Variants in CLASP2 observed in about 807,000 individuals in gnomAD.
The protein encoded by CLASP2 is cytoplasmic linker associated protein 2, also known as CLIP-associating protein 2.
Under a neutral mutation model 194.4 loss-of-function variants are expected in CLASP2, and 47 were observed. The observed-to-expected ratio is 0.24, with a 90% CI of 0.19 to 0.31. The LOEUF (loss-of-function observed/expected upper bound fraction) is 0.31. Among genes scored for constraint, CLASP2 ranks in the 10% least tolerant of loss-of-function variants. The pLI is 1.00. For missense variants in CLASP2, 1,445 were observed against 1,823.6 expected (o/e 0.79, Z 3.78); for synonymous variants, 619 against 633.5 (o/e 0.98, Z 0.34).
chr3:33,573,022 A>C, intron 25 of CLASP2, 88 bp downstream of exon 25: 1 of 1,458,950 alleles, frequency 6.9e-7, no homozygotes, highest in Non-Finnish European at 9.3e-7. Context: ...CTGTTTCTAC[A>C]CCAGTATCTC....
At chr3:33,529,503 C>CT (rs35271101) in intron 34 of CLASP2, among the ~76,000 whole-genome samples, 63,290 of 151,868 alleles carry the variant, frequency 0.42, 13,498 homozygotes, top group Admixed American at 0.53. Context: ...AATAGAGAGC[C>CT]AGAAATTAGA....
chr3:33,601,167 A>T (rs1402578795), intron 18 of CLASP2, among the ~76,000 whole-genome samples: 2 of 151,848 alleles, frequency 1.3e-5, no homozygotes, highest in Non-Finnish European at 1.5e-5. Flanking sequence ...TCACCGTGTT[A>T]GCCAGGATGG....
intron 29 of CLASP2, among the ~76,000 whole-genome samples, chr3:33,554,088 C>T (rs544437854): frequency 2.6e-4 from 39 of 152,024 alleles, no homozygotes; most frequent in Middle Eastern, 3.4e-3. Context: ...ATTAGCCGGG[C>T]GTGGTGGTGG....
intron 23 of CLASP2, among the ~76,000 whole-genome samples, chr3:33,576,694 C>G (rs904225163): frequency 2.6e-5 from 4 of 152,110 alleles, no homozygotes; most frequent in Admixed American, 2.0e-4. Flanking sequence ...TAGAAATTTA[C>G]AAGGAAAATA....
chr3:33,695,709 G>A (rs2091824595), intron 2 of CLASP2, among the ~76,000 whole-genome samples: 1 of 152,140 alleles, frequency 6.6e-6, no homozygotes, highest in Non-Finnish European at 1.5e-5. Context: ...GGAGGCCGAG[G>A]TGAGAGGACT....
chr3:33,625,780 T>A (rs1415362380), intron 10 of CLASP2, among the ~76,000 whole-genome samples: 2 of 152,034 alleles, frequency 1.3e-5, no homozygotes, highest in Non-Finnish European at 2.9e-5. Context: ...CAAGCAATCC[T>A]CCCATCTTAG....
At chr3:33,636,515 T>C (rs2080167538) in intron 8 of CLASP2, among the ~76,000 whole-genome samples, 1 of 151,970 alleles carries the variant, frequency 6.6e-6, no homozygotes, top group East Asian at 1.9e-4. Flanking sequence ...ATTACAGGTA[T>C]AAAAGAAAGA....
intron 29 of CLASP2, among the ~76,000 whole-genome samples, chr3:33,551,980 GA>G (rs1482856316): frequency 6.7e-6 from 1 of 149,602 alleles, no homozygotes; most frequent in African/African-American, 2.5e-5. Flanking sequence ...CTCACACAAT[GA>G]GATGAGGTTC....
At chr3:33,622,345 A>C in intron 10 of CLASP2, 65 bp from the exon 11 acceptor site, 4 of 1,285,994 alleles carry the variant, frequency 3.1e-6, no homozygotes, top group Non-Finnish European at 4.1e-6. Context: ...AGCTACCTAA[A>C]CTTCATTATT....
At position 33,581,798 on chromosome 3, in the gene CLASP2, A is replaced by G. The variant is rs138022627; in HGVS notation, c.2347+23T>C. On this transcript the variant is annotated intron_variant, in intron 23 of 38. Transcript: ENST00000682230. ...ATAACACCATGGATAAGCAATGCAC[A>G]TAACACCTGCCCGAATACGTACCGA... 1.4e-3 allele frequency: 2,168 copies of G among 1,559,976 alleles called. 4 individuals carry two copies. Among genetic ancestry groups the G allele is most frequent in the Non-Finnish European group, 1.7e-3 (1,981 of 1,133,060 alleles).
chr3:33,698,794 T>G (rs888231203), intron 1 of CLASP2, among the ~76,000 whole-genome samples: 1 of 152,206 alleles, frequency 6.6e-6, no homozygotes, highest in African/African-American at 2.4e-5. Flanking sequence ...AACTTGCTCT[T>G]AAACATCTTA....
chr3:33,640,277 G>A (rs2081031903), intron 8 of CLASP2, among the ~76,000 whole-genome samples: 1 of 152,098 alleles, frequency 6.6e-6, no homozygotes, highest in Non-Finnish European at 1.5e-5. Flanking sequence ...AAACAATTTT[G>A]TTGTCTGCAT....
intron 1 of CLASP2, among the ~76,000 whole-genome samples, chr3:33,698,718 T>C (rs2092150450): frequency 6.6e-6 from 1 of 152,162 alleles, no homozygotes; most frequent in Non-Finnish European, 1.5e-5. Flanking sequence ...ACTGACTGCA[T>C]AGCTCCACAC....
chr3:33,702,912 C>T (rs1056807384), intron 1 of CLASP2, among the ~76,000 whole-genome samples: 1 of 152,020 alleles, frequency 6.6e-6, no homozygotes, highest in Non-Finnish European at 1.5e-5. Flanking sequence ...AACTGAGATC[C>T]ACATGCAAAA....
intron 2 of CLASP2, among the ~76,000 whole-genome samples, chr3:33,694,979 GACAGAC>G (rs1485534516): frequency 6.7e-6 from 1 of 149,866 alleles, no homozygotes; most frequent in Non-Finnish European, 1.5e-5. Context: ...AAAATAAAGA[GACAGAC>G]AGAGACAGTG....
chr3:33,572,453 G>A (rs913435169), intron 25 of CLASP2, among the ~76,000 whole-genome samples: 6 of 152,132 alleles, frequency 3.9e-5, no homozygotes, highest in Non-Finnish European at 7.3e-5. Context: ...ATCAAGTCAG[G>A]AAGTAACCCT....
chr3:33,613,923 CA>C (rs2075657389), intron 12 of CLASP2, among the ~76,000 whole-genome samples: 1 of 152,198 alleles, frequency 6.6e-6, no homozygotes, highest in Admixed American at 6.5e-5. Context: ...ACATCATACT[CA>C]GGGGGAGCTG....
At chr3:33,622,336 GCTAC>G in intron 10 of CLASP2, 56 bp from the exon 11 acceptor site, 3 of 1,352,856 alleles carry the variant, frequency 2.2e-6, no homozygotes, top group Non-Finnish European at 2.9e-6. Context: ...AAAAAAAGAA[GCTAC>G]CTAAACTTCA....
intron 34 of CLASP2, among the ~76,000 whole-genome samples, chr3:33,520,788 T>C (rs1361734994): frequency 6.6e-6 from 1 of 151,392 alleles, no homozygotes; most frequent in African/African-American, 2.4e-5. Context: ...AACATGGTTT[T>C]TGATAGATAT....
Sources: gnomAD v4.1 joint callset for allele counts (sites outside exome capture counted in the v4.1 genomes callset) on GRCh38, gnomAD v4.1.1 for gene constraint, MANE v1.5 for transcripts, NCBI Gene and HGNC (gene_info 2026-07-23, HGNC 2026-07-21) for gene names.